Variants in PPP2R2A observed in about 807,000 individuals in gnomAD.
The protein encoded by PPP2R2A is protein phosphatase 2 regulatory subunit Balpha.
Under a neutral mutation model 53.2 loss-of-function variants are expected in PPP2R2A, and 9 were observed. The observed-to-expected ratio is 0.17, with a 90% confidence interval of 0.10 to 0.30. The LOEUF is 0.30. Ranked by LOEUF, PPP2R2A falls within the 10% of genes least tolerant of loss-of-function variation. The pLI is 1.00. For synonymous variants in PPP2R2A, 169 were observed against 174.2 expected, an observed-to-expected ratio of 0.97 and a Z score of 0.23; for missense variants, 235 against 534.6, an observed-to-expected ratio of 0.44 and a Z score of 5.53.
In PPP2R2A at chr8:26,370,305, C is replaced by T; in HGVS notation, c.1236C>T (p.Ser412=). The T allele has an allele frequency of 6.2e-7, 1 of 1,614,104 alleles. No homozygotes were observed. Among genetic ancestry groups the T allele is most frequent in the Non-Finnish European group, 8.5e-7 (1 of 1,180,000 alleles). The change falls in exon 10 of 10, where the codon AGC becomes AGT. Residue 412 remains serine (S), a synonymous_variant. Transcript: ENST00000380737. This position sits in a 1 kb window ranked among gnomAD's most constrained non-coding sequence, Gnocchi z 6.1. ...AGAAAGATGAAATAAGTGTTGACAG[C>T]CTAGACTTCAATAAGAAAATCCTTC... ...KRKKDEISVD[S]LDFNKKILHT...
chr8:26,324,552 G>A (rs1222135959), intron 2 of PPP2R2A, among the ~76,000 whole-genome samples: 1 of 152,216 alleles, frequency 6.6e-6, no homozygotes, highest in Non-Finnish European at 1.5e-5. Context: ...TGCAGGGGCA[G>A]GGCCCTCATG....
chr8:26,352,067 A>G (rs949533093), intron 3 of PPP2R2A, among the ~76,000 whole-genome samples: 1 of 152,228 alleles, frequency 6.6e-6, no homozygotes, highest in Non-Finnish European at 1.5e-5. Flanking sequence ...GGTTAGGAAG[A>G]TGATTCTCAT....
chr8:26,352,939 G>A (rs1804596242), intron 3 of PPP2R2A, among the ~76,000 whole-genome samples: 2 of 152,066 alleles, frequency 1.3e-5, no homozygotes, highest in South Asian at 2.1e-4. Flanking sequence ...ATCCCTCTAC[G>A]CCCTAGTGTA....
At chr8:26,366,216 T>C in intron 8 of PPP2R2A, 99 bp from the exon 9 acceptor site, 1 of 833,632 alleles carries the variant, frequency 1.2e-6, no homozygotes, top group African/African-American at 1.8e-5. Flanking sequence ...AAAAGGTGTG[T>C]GTATGTGTCT....
At chr8:26,297,027 A>T (rs1801571008) in intron 2 of PPP2R2A, among the ~76,000 whole-genome samples, 1 of 152,066 alleles carries the variant, frequency 6.6e-6, no homozygotes, top group South Asian at 2.1e-4. Flanking sequence ...CAATGGAATA[A>T]CAAGAGTGGA....
chr8:26,346,677 T>C (rs1486967399), intron 3 of PPP2R2A, among the ~76,000 whole-genome samples: 1 of 152,228 alleles, frequency 6.6e-6, no homozygotes, highest in East Asian at 1.9e-4. Flanking sequence ...TCTATAGCCT[T>C]TCAGAGTAAA....
chr8:26,360,843 A>C lies in PPP2R2A; in HGVS notation c.460-131A>C. The C allele has an allele frequency of 1.2e-6, 1 of 854,434 alleles. No homozygotes were observed. The highest frequency in any genetic ancestry group is 2.1e-5 in the South Asian group (1 of 47,598). The allele number at this position is 854,434 out of a possible 1,614,324, so 52.9% of individuals were successfully genotyped here. A position where few individuals can be genotyped will look rare whatever the true frequency, so the allele number is the denominator to read the frequency against. ...AAAGGATCAACATCAGTTGCTTTTT[A>C]AAACTAAATCTATGTAATATTGTTC... is the stretch of plus-strand genomic sequence containing the variant. On this transcript the variant is annotated intron_variant, in intron 5 of 9. Coordinates refer to ENST00000380737, the MANE Select transcript of PPP2R2A (RefSeq NM_002717.4). This position sits in a 1 kb window ranked among gnomAD's most constrained non-coding sequence, Gnocchi z 4.5.
At chr8:26,323,111 A>T (rs1418857708) in intron 2 of PPP2R2A, among the ~76,000 whole-genome samples, 1 of 152,110 alleles carries the variant, frequency 6.6e-6, no homozygotes, top group Non-Finnish European at 1.5e-5. Flanking sequence ...CTTAGCCCAG[A>T]CCTCTGGCTT....
intron 3 of PPP2R2A, among the ~76,000 whole-genome samples, chr8:26,344,243 A>G (rs1309361145): frequency 6.6e-6 from 1 of 152,222 alleles, no homozygotes; most frequent in African/African-American, 2.4e-5. Flanking sequence ...TGTTTACTAT[A>G]TCTTGATGTA....
intron 6 of PPP2R2A, among the ~76,000 whole-genome samples, chr8:26,361,835 C>A (rs1046974170): frequency 6.6e-6 from 1 of 151,718 alleles, no homozygotes; most frequent in Non-Finnish European, 1.5e-5. Context: ...GTGGCGCATG[C>A]CTGTAATCTA....
At chr8:26,317,586 T>C (rs1267304931) in intron 2 of PPP2R2A, among the ~76,000 whole-genome samples, 1 of 152,250 alleles carries the variant, frequency 6.6e-6, no homozygotes, top group Non-Finnish European at 1.5e-5. Flanking sequence ...TTTTACTAAA[T>C]GTACACTTTG....
At chr8:26,358,752 A>G (rs1015270735) in intron 4 of PPP2R2A, among the ~76,000 whole-genome samples, 2 of 152,192 alleles carry the variant, frequency 1.3e-5, no homozygotes, top group Non-Finnish European at 2.9e-5. Flanking sequence ...TACAATTGTA[A>G]CAGTTTTAAA....
At chr8:26,347,992 T>C (rs918139554) in intron 3 of PPP2R2A, among the ~76,000 whole-genome samples, 34 of 152,206 alleles carry the variant, frequency 2.2e-4, no homozygotes, top group African/African-American at 7.2e-4. Flanking sequence ...TTATCAGATA[T>C]CATTTAATTT....
intron 8 of PPP2R2A, among the ~76,000 whole-genome samples, chr8:26,364,152 G>T (rs1805253174): frequency 6.6e-6 from 1 of 151,128 alleles, no homozygotes; most frequent in South Asian, 2.1e-4. Context: ...TTTTTTTTCT[G>T]CCACTATGTA....
intron 9 of PPP2R2A, 49 bp downstream of exon 9, chr8:26,366,455 C>A (rs1195755069): frequency 2.2e-6 from 3 of 1,392,032 alleles, no homozygotes; most frequent in East Asian, 4.7e-5. Flanking sequence ...AGAAAAGAAA[C>A]AACTATTTCA....
chr8:26,340,439 T>C (rs575390157), intron 3 of PPP2R2A, among the ~76,000 whole-genome samples: 2 of 152,200 alleles, frequency 1.3e-5, no homozygotes, highest in African/African-American at 4.8e-5. Context: ...CTTGAATGTA[T>C]TTTTTACTGA....
chr8:26,295,632 G>A (rs1345318087), intron 2 of PPP2R2A, among the ~76,000 whole-genome samples: 1 of 152,128 alleles, frequency 6.6e-6, no homozygotes, highest in Non-Finnish European at 1.5e-5. Context: ...TTCTTTAGAG[G>A]TTGTTAAATA....
At chr8:26,309,333 A>C (rs1202772072) in intron 2 of PPP2R2A, among the ~76,000 whole-genome samples, 1 of 152,190 alleles carries the variant, frequency 6.6e-6, no homozygotes, top group Non-Finnish European at 1.5e-5. Flanking sequence ...TTTTCTAAGC[A>C]GTAGGTCTCA....
rs569447689 is a variant in PPP2R2A at position 26,293,493 on chromosome 8, C to T, written c.8-173C>T. ...TGGAATCTTTTTTTTCTTTCTAATG[C>T]AGTACCAAGTATTGGGGACTAACCT... On this transcript the variant is annotated intron_variant, in intron 1 of 9. Transcript: ENST00000380737. The T allele has an allele frequency of 5.1e-4, 353 of 697,466 alleles. 2 individuals carry two copies. The highest frequency in any genetic ancestry group is 4.5e-3 in the African/African-American group (250 of 55,412). 43.2% of individuals were successfully genotyped at this position (697,466 alleles called of 1,614,324 possible).
Sources: allele counts gnomAD v4.1 joint callset (sites outside exome capture counted in the v4.1 genomes callset), GRCh38; gene constraint gnomAD v4.1.1; non-coding constraint Gnocchi (gnomAD v3.1); transcripts MANE v1.5; gene names NCBI Gene and HGNC (gene_info 2026-07-23, HGNC 2026-07-21).